Variants in FOXP2 observed in about 807,000 individuals in gnomAD.
FOXP2 encodes forkhead box P2.
FOXP2 carries 12 observed loss-of-function variants against 115.8 expected under a neutral mutation model. That is an observed-to-expected ratio of 0.10 (90% CI 0.07 to 0.17). The LOEUF (loss-of-function observed/expected upper bound fraction) is 0.17, where lower values mean the gene tolerates loss of function less well. Among genes scored for constraint, FOXP2 ranks in the 10% least tolerant of loss-of-function variants. FOXP2 has a pLI of 1.00. For missense variants in FOXP2, 629 were observed against 843.5 expected (o/e 0.75, Z 3.15); for synonymous variants, 328 against 297.7 (o/e 1.10, Z -1.05).
intron 1 of FOXP2, chr7:114,419,716 A>G (rs1003370926): frequency 1.4e-5 from 2 of 145,278 alleles, no homozygotes; most frequent in African/African-American, 5.2e-5. Context: ...ACACATAGAC[A>G]CACACACACA....
At chr7:114,200,392 C>T (rs1009863126) in intron 1 of FOXP2, among the ~76,000 whole-genome samples, 4 of 152,158 alleles carry the variant, frequency 2.6e-5, no homozygotes, top group Non-Finnish European at 5.9e-5. Flanking sequence ...CTGAACCCTG[C>T]ATCATATTCA....
chr7:114,316,945 C>A (rs1270729153), intron 2 of FOXP2, among the ~76,000 whole-genome samples: 1 of 152,074 alleles, frequency 6.6e-6, no homozygotes, highest in Non-Finnish European at 1.5e-5. Flanking sequence ...TACTTCAGGG[C>A]AACTTCTGGG....
At chr7:114,311,545 C>A (rs1448264628) in intron 2 of FOXP2, among the ~76,000 whole-genome samples, 1 of 152,066 alleles carries the variant, frequency 6.6e-6, no homozygotes, top group Non-Finnish European at 1.5e-5. Context: ...CAGTGCAAAC[C>A]CCAGCTGAAC....
chr7:114,454,884 G>A (rs1452107714), intron 2 of FOXP2, among the ~76,000 whole-genome samples: 1 of 111,970 alleles, frequency 8.9e-6, no homozygotes, highest in South Asian at 4.0e-4. Context: ...TGGGGGGAGG[G>A]GGGAGGGATA....
At chr7:114,640,305 C>T (rs1429941459) in intron 6 of FOXP2, among the ~76,000 whole-genome samples, 1 of 151,984 alleles carries the variant, frequency 6.6e-6, no homozygotes, top group African/African-American at 2.4e-5. Flanking sequence ...AAGCCACTTT[C>T]TTTTTTTATG....
intron 1 of FOXP2, among the ~76,000 whole-genome samples, chr7:114,134,323 T>C (rs1584498270): frequency 1.3e-5 from 2 of 152,188 alleles, no homozygotes; most frequent in East Asian, 3.9e-4. Flanking sequence ...TCCCTTGCTA[T>C]AATGCCACAG....
intron 2 of FOXP2, among the ~76,000 whole-genome samples, chr7:114,486,797 T>A (rs1796802156): frequency 6.6e-6 from 1 of 152,194 alleles, no homozygotes; most frequent in Admixed American, 6.5e-5. Context: ...AATGATCTCC[T>A]TTGACTCCAT....
intron 3 of FOXP2, among the ~76,000 whole-genome samples, chr7:114,586,765 C>G (rs192237273): frequency 2.6e-5 from 4 of 152,126 alleles, no homozygotes; most frequent in Admixed American, 6.5e-5. Context: ...TCCCTCAAAA[C>G]AGTCATTTGA....
intron 2 of FOXP2, among the ~76,000 whole-genome samples, chr7:114,485,458 G>A (rs938703354): frequency 5.3e-5 from 8 of 152,034 alleles, no homozygotes; most frequent in African/African-American, 1.9e-4. Context: ...GTTAATCAGT[G>A]TGAACAGATA....
chr7:114,214,199 C>T (rs1794430120), intron 1 of FOXP2, among the ~76,000 whole-genome samples: 1 of 152,050 alleles, frequency 6.6e-6, no homozygotes, highest in African/African-American at 2.4e-5. Context: ...TATTCTTATT[C>T]CCATTTTACT....
intron 6 of FOXP2, among the ~76,000 whole-genome samples, chr7:114,634,137 A>G (rs1255859174): frequency 2.0e-5 from 3 of 151,998 alleles, no homozygotes; most frequent in African/African-American, 7.3e-5. Context: ...CTGCAATTAC[A>G]GGTGCCCACC....
intron 2 of FOXP2, chr7:114,366,578 C>T (rs1178096944): frequency 6.6e-6 from 1 of 151,982 alleles, no homozygotes; most frequent in Non-Finnish European, 1.5e-5. Context: ...TAAATCAAAA[C>T]AAAAAGAATA....
At chr7:114,309,109 C>T (rs1797082408) in intron 2 of FOXP2, among the ~76,000 whole-genome samples, 1 of 152,104 alleles carries the variant, frequency 6.6e-6, no homozygotes, top group Non-Finnish European at 1.5e-5. Context: ...CAGCAGAGAG[C>T]AGGTTTGTTC....
chr7:114,132,247 T>C (rs1791899151), intron 1 of FOXP2, among the ~76,000 whole-genome samples: 1 of 152,148 alleles, frequency 6.6e-6, no homozygotes, highest in African/African-American at 2.4e-5. Context: ...CATAATTCTT[T>C]TTCTACTTTT....
chr7:114,674,538 A>G (rs1366557046), intron 16 of FOXP2, among the ~76,000 whole-genome samples: 1 of 152,226 alleles, frequency 6.6e-6, no homozygotes, highest in African/African-American at 2.4e-5. Flanking sequence ...AACAAAGATC[A>G]ATTCATTTAA....
At chr7:114,532,673 A>G (rs1460294699) in intron 2 of FOXP2, among the ~76,000 whole-genome samples, 1 of 151,928 alleles carries the variant, frequency 6.6e-6, no homozygotes, top group Non-Finnish European at 1.5e-5. Flanking sequence ...ACAGTGTTCA[A>G]TAAATTTTTT....
intron 3 of FOXP2, among the ~76,000 whole-genome samples, chr7:114,586,572 TGC>T (rs1802143593): frequency 6.6e-6 from 1 of 152,082 alleles, no homozygotes. Context: ...GTAGTGTTGT[TGC>T]TGAACTATTT....
At chr7:114,272,753 A>C (rs1242696666) in intron 1 of FOXP2, among the ~76,000 whole-genome samples, 1 of 151,848 alleles carries the variant, frequency 6.6e-6, no homozygotes. Context: ...CTTTATTATT[A>C]TTCTCACATC....
intron 2 of FOXP2, among the ~76,000 whole-genome samples, chr7:114,375,182 T>C (rs1288459872): frequency 6.6e-6 from 1 of 152,184 alleles, no homozygotes; most frequent in African/African-American, 2.4e-5. Context: ...TTATACAGCA[T>C]CATTAATAAA....
Sources: gnomAD v4.1 joint callset for allele counts (sites outside exome capture counted in the v4.1 genomes callset) on GRCh38, gnomAD v4.1.1 for gene constraint, MANE v1.5 for transcripts, NCBI Gene and HGNC (gene_info 2026-07-23, HGNC 2026-07-21) for gene names.